SPAG16: variants seen among roughly 807,000 people sequenced by gnomAD.
SPAG16 encodes the protein sperm associated antigen 16.
In SPAG16, 86 loss-of-function variants were observed where a neutral mutation model predicts 80.4. The ratio of observed to expected loss-of-function variants is 1.07; its 90% confidence interval spans 0.90 to 1.28. The LOEUF is 1.28. Ranked by LOEUF, SPAG16 falls within the 50% of genes most tolerant of loss-of-function variation. The pLI is 0.00. For missense variants in SPAG16, 870 were observed against 765.3 expected (o/e 1.14, Z -1.61); for synonymous variants, 294 against 265.9 (o/e 1.11, Z -1.03).
chr2:213,621,823 A>G (rs1478714922), intron 10 of SPAG16, among the ~76,000 whole-genome samples: 1 of 152,232 alleles, frequency 6.6e-6, no homozygotes, highest in African/African-American at 2.4e-5. Context: ...ATCACATAAT[A>G]AAATTGTCTA....
At chr2:213,490,615 G>A (rs2074195033) in intron 10 of SPAG16, among the ~76,000 whole-genome samples, 1 of 152,002 alleles carries the variant, frequency 6.6e-6, no homozygotes, top group African/African-American at 2.4e-5. Flanking sequence ...CTTATAAAAT[G>A]GAGAGTATTT....
chr2:214,136,236 G>A (rs2055044889), intron 14 of SPAG16, among the ~76,000 whole-genome samples: 1 of 152,000 alleles, frequency 6.6e-6, no homozygotes, highest in East Asian at 1.9e-4. Context: ...CTAACACTGG[G>A]GATCATATTT....
chr2:213,891,636 C>T (rs944980084), intron 11 of SPAG16, among the ~76,000 whole-genome samples: 6 of 152,130 alleles, frequency 3.9e-5, no homozygotes, highest in African/African-American at 1.4e-4. Context: ...CCTGGCTTCA[C>T]TTCCCCTAAC....
At chr2:214,231,383 T>C (rs1688691342) in intron 15 of SPAG16, among the ~76,000 whole-genome samples, 1 of 152,020 alleles carries the variant, frequency 6.6e-6, no homozygotes, top group Non-Finnish European at 1.5e-5. Flanking sequence ...TGAAGTAGTA[T>C]TTATTCGACT....
intron 15 of SPAG16, among the ~76,000 whole-genome samples, chr2:214,368,384 T>A (rs1243006887): frequency 1.3e-5 from 2 of 152,112 alleles, no homozygotes; most frequent in Non-Finnish European, 2.9e-5. Flanking sequence ...TCTACCTCTT[T>A]GCTTCATTAA....
chr2:213,747,500 C>T (rs1003879047), intron 10 of SPAG16, among the ~76,000 whole-genome samples: 1 of 152,196 alleles, frequency 6.6e-6, no homozygotes, highest in African/African-American at 2.4e-5. Context: ...CTGTAGGCAC[C>T]ATTCATAGTA....
intron 3 of SPAG16, among the ~76,000 whole-genome samples, chr2:213,299,754 A>G (rs955897213): frequency 6.6e-6 from 1 of 152,176 alleles, no homozygotes; most frequent in Non-Finnish European, 1.5e-5. Context: ...TTATTCTTGA[A>G]AAATATTGAG....
chr2:213,827,264 T>C (rs1437730768), intron 10 of SPAG16, among the ~76,000 whole-genome samples: 1 of 152,022 alleles, frequency 6.6e-6, no homozygotes, highest in East Asian at 1.9e-4. Flanking sequence ...CTTTCCTTCC[T>C]CTCTTCCTTT....
At chr2:213,323,119 A>C (rs1255778264) in intron 5 of SPAG16, among the ~76,000 whole-genome samples, 2 of 152,178 alleles carry the variant, frequency 1.3e-5, no homozygotes, top group Non-Finnish European at 2.9e-5. Flanking sequence ...ATCACCTCAT[A>C]CTTTTCAGGA....
chr2:213,457,164 C>G (rs2072071997), intron 9 of SPAG16, among the ~76,000 whole-genome samples: 1 of 152,190 alleles, frequency 6.6e-6, no homozygotes, highest in African/African-American at 2.4e-5. Context: ...CCCTGCAATC[C>G]TGTCTACCAG....
intron 6 of SPAG16, among the ~76,000 whole-genome samples, chr2:213,343,683 A>C (rs1193599137): frequency 6.6e-6 from 1 of 152,108 alleles, no homozygotes; most frequent in East Asian, 1.9e-4. Context: ...AACTGAAAAA[A>C]ACATAATATG....
At chr2:214,169,548 C>A (rs964677910) in intron 15 of SPAG16, among the ~76,000 whole-genome samples, 2 of 152,026 alleles carry the variant, frequency 1.3e-5, no homozygotes, top group African/African-American at 4.8e-5. Context: ...TTGATATTCT[C>A]TCCAATATTT....
At chr2:213,829,531 C>T (rs1392880394) in intron 10 of SPAG16, among the ~76,000 whole-genome samples, 2 of 152,068 alleles carry the variant, frequency 1.3e-5, no homozygotes, top group Non-Finnish European at 2.9e-5. Flanking sequence ...AGTCAAAGTC[C>T]CCTTTACTCT....
intron 10 of SPAG16, 73 bp downstream of exon 10, chr2:213,490,163 C>A: frequency 7.2e-7 from 1 of 1,385,998 alleles, no homozygotes; most frequent in Non-Finnish European, 9.7e-7. Context: ...CTCTTACAGC[C>A]ATTCATGGTT....
chr2:213,879,752 G>T lies in SPAG16; in HGVS notation c.1214+17124G>T, dbSNP rs1190666922. 2.6e-5 allele frequency among the ~76,000 whole-genome samples: 4 copies of T among 151,986 alleles called. No homozygotes were observed. The East Asian group carries it at 7.7e-4, about 29-fold the overall frequency. On this transcript the variant is annotated intron_variant, in intron 11 of 15. Coordinates refer to ENST00000331683, the MANE Select transcript of SPAG16 (RefSeq NM_024532.5). ...GTGTGGTATTTGGTTTTCCATTCTT[G>T]CATTGGTTCACTTTGGATTATGACC... is the stretch of plus-strand genomic sequence containing the variant.
At chr2:214,367,011 C>T (rs1179422001) in intron 15 of SPAG16, among the ~76,000 whole-genome samples, 1 of 152,106 alleles carries the variant, frequency 6.6e-6, no homozygotes, top group East Asian at 1.9e-4. Flanking sequence ...TACTATTGCT[C>T]TTGGCCTCTC....
chr2:214,042,472 C>T (rs189915112), intron 13 of SPAG16, among the ~76,000 whole-genome samples: 38 of 151,868 alleles, frequency 2.5e-4, no homozygotes, highest in Non-Finnish European at 4.6e-4. Flanking sequence ...ACAAAAACTC[C>T]TTACCTCTAT....
In SPAG16 at chr2:213,284,499, G is replaced by C; in HGVS notation, c.16G>C (p.Gly6Arg). 1.3e-6 allele frequency: 2 copies of C among 1,573,854 alleles called. No homozygotes were observed. The highest frequency in any genetic ancestry group is 1.7e-4 in the Middle Eastern group (1 of 5,996). Residue 6 changes from glycine (G) to arginine (R), a missense_variant, in exon 1 of 16, where the codon GGG becomes CGG. By Grantham distance (125) the Gly-to-Arg change is moderately radical. Transcript: ENST00000331683. MAAQR[G>R]MPSSAVRVLE... The stretch of plus-strand genomic sequence containing the variant: ...AGCGCCAGAGATGGCTGCTCAGCGA[G>C]GGATGCCCAGCTCCGCCGTGAGGGT...
chr2:214,165,861 A>G (rs1021185570), intron 15 of SPAG16, among the ~76,000 whole-genome samples: 6 of 152,114 alleles, frequency 3.9e-5, no homozygotes, highest in Non-Finnish European at 5.9e-5. Context: ...TTCAAAGTCA[A>G]TTAGCTTTCT....
Sources: gnomAD v4.1 joint callset for allele counts (sites outside exome capture counted in the v4.1 genomes callset) on GRCh38, gnomAD v4.1.1 for gene constraint, MANE v1.5 for transcripts, NCBI Gene and HGNC (gene_info 2026-07-23, HGNC 2026-07-21) for gene names.